DGKB: variants seen among roughly 807,000 people sequenced by gnomAD.
DGKB encodes 90 kDa diacylglycerol kinase.
DGKB carries 67 observed loss-of-function variants against 114.3 expected under a neutral mutation model. The observed-to-expected ratio is 0.59, with a 90% CI of 0.48 to 0.72. DGKB has a LOEUF of 0.72. Ranked by LOEUF, DGKB falls within the 30% of genes least tolerant of loss-of-function variation. DGKB has a pLI of 0.00. For missense variants in DGKB, 907 were observed against 975.2 expected (o/e 0.93, Z 0.93); for synonymous variants, 398 against 323.1 (o/e 1.23, Z -2.49).
chr7:14,560,775 C>A (rs538841561), intron 20 of DGKB, among the ~76,000 whole-genome samples: 2 of 152,250 alleles, frequency 1.3e-5, no homozygotes, highest in Admixed American at 6.5e-5. Flanking sequence ...TTTTGAGAAA[C>A]CTCCACATTG....
intron 23 of DGKB, among the ~76,000 whole-genome samples, chr7:14,231,031 T>C (rs1179046749): frequency 6.6e-6 from 1 of 152,118 alleles, no homozygotes; most frequent in Admixed American, 6.6e-5. Flanking sequence ...CTGTTGTTCA[T>C]TGTTGGCTGA....
At chr7:14,493,925 TACACACAC>T (rs372780599) in intron 20 of DGKB, among the ~76,000 whole-genome samples, 22 of 137,720 alleles carry the variant, frequency 1.6e-4, no homozygotes, top group African/African-American at 5.6e-4. Flanking sequence ...CATGGTATCA[TACACACAC>T]ACACACACAC....
intron 20 of DGKB, among the ~76,000 whole-genome samples, chr7:14,499,116 T>C (rs898580234): frequency 7.9e-5 from 12 of 151,710 alleles, no homozygotes; most frequent in African/African-American, 2.7e-4. Flanking sequence ...TTTTGAGTTA[T>C]TATTATTATT....
chr7:14,160,447 G>A (rs1328921522), intron 25 of DGKB, among the ~76,000 whole-genome samples: 1 of 152,156 alleles, frequency 6.6e-6, no homozygotes, highest in Non-Finnish European at 1.5e-5. Context: ...CAAAATCAAT[G>A]TGCAAGAATC....
Position 14,149,086 on chromosome 7 carries a change from G to C in DGKB, c.*45C>G, listed in dbSNP as rs766553679. 6 of 1,503,374 alleles carry C rather than the reference G, an allele frequency of 4.0e-6. No individual in the cohort carries two copies. The highest frequency in any genetic ancestry group is 1.7e-4 in the Middle Eastern group (1 of 5,828). 93.1% of individuals were successfully genotyped at this position (1,503,374 alleles called of 1,614,324 possible). ...AGATTTCCAGCATATGTGTTCCATG[G>C]CCCAATTATGCTAATTCAATTTCTA... is the stretch of plus-strand genomic sequence containing the variant. On this transcript the variant is annotated 3_prime_UTR_variant, in exon 26 of 26. Coordinates refer to ENST00000402815, the MANE Select transcript of DGKB (RefSeq NM_001350709.2).
intron 21 of DGKB, among the ~76,000 whole-genome samples, chr7:14,418,450 T>C (rs1826142941): frequency 7.7e-6 from 1 of 130,676 alleles, no homozygotes; most frequent in Non-Finnish European, 1.7e-5. Flanking sequence ...GAGTGTAAAA[T>C]AGCAATTCCT....
chr7:14,163,139 A>G (rs1254649964), intron 25 of DGKB, among the ~76,000 whole-genome samples: 1 of 152,342 alleles, frequency 6.6e-6, no homozygotes, highest in Non-Finnish European at 1.5e-5. Context: ...AGACACCTAA[A>G]GATGACACCT....
chr7:14,678,826 G>A (rs113295567), intron 12 of DGKB, among the ~76,000 whole-genome samples: 3,489 of 152,020 alleles, frequency 0.023, 63 homozygotes, highest in Non-Finnish European at 0.036. Context: ...TGCGAATGTG[G>A]AGACAAAACC....
chr7:14,639,372 T>G (rs1563754633), intron 13 of DGKB, among the ~76,000 whole-genome samples: 2 of 152,212 alleles, frequency 1.3e-5, no homozygotes, highest in African/African-American at 4.8e-5. Context: ...TGTCAAACAC[T>G]GTAGAGCATT....
intron 23 of DGKB, among the ~76,000 whole-genome samples, chr7:14,316,033 G>A (rs1490509068): frequency 0.016 from 2,227 of 142,850 alleles, 48 homozygotes; most frequent in African/African-American, 0.051. Context: ...CTGAATGACT[G>A]TTGGGTACAT....
chr7:14,233,782 T>A (rs1274586245), intron 23 of DGKB, among the ~76,000 whole-genome samples: 1 of 151,542 alleles, frequency 6.6e-6, no homozygotes, highest in African/African-American at 2.4e-5. Context: ...GTGTGGGGGG[T>A]GCAACCACAG....
At chr7:14,677,244 T>C (rs1268569241) in intron 12 of DGKB, among the ~76,000 whole-genome samples, 3 of 151,940 alleles carry the variant, frequency 2.0e-5, no homozygotes, top group Non-Finnish European at 2.9e-5. Flanking sequence ...AAATGGGATC[T>C]GAGAAGTCAA....
intron 13 of DGKB, among the ~76,000 whole-genome samples, chr7:14,652,998 G>A (rs1438195272): frequency 2.0e-5 from 3 of 151,490 alleles, no homozygotes; most frequent in Non-Finnish European, 4.4e-5. Context: ...TAAAAAGTCA[G>A]GAAACAACAG....
chr7:14,910,290 GAAAGAAAGAAAGAAAGAAAGAA>G (rs1783928482), intron 1 of DGKB, among the ~76,000 whole-genome samples: 1 of 144,804 alleles, frequency 6.9e-6, no homozygotes, highest in African/African-American at 2.7e-5. Context: ...AAGAAAGAAA[GAAAGAAAGAAAGAAAGAAAGAA>G]AGAACCTTAT....
At position 14,858,974 on chromosome 7, in the gene DGKB, T is replaced by C. The variant is rs187516131; in HGVS notation, c.-187-17524A>G. ...CATATTCATCTTCATAGGAGACAGC[T>C]TGATAAATAACAGAATGCTTGGGAA... On this transcript the variant is annotated intron_variant, in intron 1 of 25. Transcript: ENST00000402815. Among the ~76,000 whole-genome samples the C allele has an allele frequency of 3.1e-3, 472 of 152,222 alleles. 6 individuals are homozygous for C. The highest frequency in any genetic ancestry group is 1.1e-3 in the Non-Finnish European group (74 of 68,002).
At chr7:14,206,880 T>C (rs1328237554) in intron 23 of DGKB, among the ~76,000 whole-genome samples, 1 of 152,026 alleles carries the variant, frequency 6.6e-6, no homozygotes, top group African/African-American at 2.4e-5. Flanking sequence ...GCTAATAGAT[T>C]GTACTACATG....
chr7:14,423,230 A>G (rs1427037649), intron 21 of DGKB, among the ~76,000 whole-genome samples: 1 of 152,094 alleles, frequency 6.6e-6, no homozygotes, highest in Non-Finnish European at 1.5e-5. Context: ...TTAAAAATTC[A>G]TAAATATTTT....
intron 20 of DGKB, among the ~76,000 whole-genome samples, chr7:14,550,398 T>C (rs2128640480): frequency 6.6e-6 from 1 of 152,278 alleles, no homozygotes; most frequent in East Asian, 1.9e-4. Flanking sequence ...ATCAAATATT[T>C]GAGATTAAGA....
At chr7:14,415,705 A>G (rs1583768368) in intron 21 of DGKB, among the ~76,000 whole-genome samples, 1 of 152,216 alleles carries the variant, frequency 6.6e-6, no homozygotes. Flanking sequence ...AGTCTTTGCT[A>G]TGGTGAATGG....
Sources: allele counts gnomAD v4.1 joint callset (sites outside exome capture counted in the v4.1 genomes callset), GRCh38; gene constraint gnomAD v4.1.1; transcripts MANE v1.5; gene names NCBI Gene and HGNC (gene_info 2026-07-23, HGNC 2026-07-21).